The following NUP58 variants were observed in gnomAD, a reference collection of about 807,000 sequenced individuals.
NUP58 encodes nucleoporin p58/p45.
Under a neutral mutation model 70.1 loss-of-function variants are expected in NUP58, and 17 were observed. The observed-to-expected ratio is 0.24, with a 90% CI of 0.17 to 0.36. The LOEUF (loss-of-function observed/expected upper bound fraction) is 0.36. Among genes scored for constraint, NUP58 ranks in the 10% least tolerant of loss-of-function variants. The pLI, the probability that NUP58 is intolerant of heterozygous loss-of-function variation, is 1.00. For missense variants in NUP58, 644 were observed against 701.5 expected, an observed-to-expected ratio of 0.92 and a Z score of 0.93; for synonymous variants, 275 against 257.6, an observed-to-expected ratio of 1.07 and a Z score of -0.65.
Position 25,338,632 on chromosome 13 carries a change from C to G in NUP58, c.1535-4C>G. 1 of 1,610,240 alleles carries G rather than the reference C, an allele frequency of 6.2e-7. No individual in the cohort carries two copies. The highest frequency in any genetic ancestry group is 8.5e-7 in the Non-Finnish European group (1 of 1,176,714). ...TGTATATTTTTCTATTACCCTTCCACTAGGATTTGGAACTAGCTCTGGTTT... is the reference window on the plus strand; with the variant it reads ...TGTATATTTTTCTATTACCCTTCCAGTAGGATTTGGAACTAGCTCTGGTTT... On this transcript the variant is annotated splice_region_variant and splice_polypyrimidine_tract_variant and intron_variant, in intron 14 of 15. Coordinates refer to ENST00000381736, the MANE Select transcript of NUP58 (RefSeq NM_014089.4).
rs34548230 is a variant in NUP58, at chr13:25,310,519, C to CTTTTT, written c.286+1256_286+1260dup. Among the ~76,000 whole-genome samples, 56 of 53,564 alleles carry CTTTTT rather than the reference C, an allele frequency of 1.0e-3. 2 individuals carry two copies. Among genetic ancestry groups the CTTTTT allele is most frequent in the African/African-American group, 2.4e-3 (35 of 14,312 alleles). The allele number at this position is 53,564 out of a possible 152,430, so 35.1% of individuals were successfully genotyped here. On this transcript the variant is annotated intron_variant, in intron 3 of 15. Transcript: ENST00000381736. ...ACAGGCGTGAGCCACTGTGCCTGGC[C>CTTTTT]TTTTTTTTTTTTTTTTTTTTTTTGG... is the stretch of plus-strand genomic sequence containing the variant.
chr13:25,326,935 C>A lies in NUP58; in HGVS notation c.1051C>A (p.Gln351Lys). Reference protein sequence around the residue: ...APADYFRILVQQFEVQLQQYR... With the variant: ...APADYFRILVKQFEVQLQQYR... ...TTAAAGCTACTTCAGAATCTTGGTT[C>A]AGCAATTTGAGGTACAGCTTCAGCA... Residue 351 changes from glutamine to lysine, a missense_variant, in exon 11 of 16, where the codon CAG becomes AAG. Gln to Lys is a moderately conservative substitution (Grantham distance 53, BLOSUM62 1). This residue lies in a region of NUP58 where 430 missense variants were observed against 409.2 expected (regional missense o/e 1.05). Transcript: ENST00000381736. 2 of 1,582,846 alleles carry A rather than the reference C, an allele frequency of 1.3e-6. No individual in the cohort carries two copies. Among genetic ancestry groups the A allele is most frequent in the Non-Finnish European group, 1.7e-6 (2 of 1,165,170 alleles).
intron 6 of NUP58, among the ~76,000 whole-genome samples, chr13:25,317,133 A>G (rs956472078): frequency 6.6e-6 from 1 of 152,156 alleles, no homozygotes; most frequent in Non-Finnish European, 1.5e-5. Context: ...GAGAGTAGCA[A>G]TAAACAGCAT....
Position 25,301,687 on chromosome 13 carries a change from A to G in NUP58, c.-87A>G, listed in dbSNP as rs946753355. The G allele has an allele frequency of 1.5e-5, 10 of 665,564 alleles. No individual in the cohort carries two copies. The African/African-American group carries it at 1.5e-4, about 10-fold the overall frequency. The allele number at this position is 665,564 out of a possible 1,614,324, so 41.2% of individuals were successfully genotyped here. On this transcript the variant is annotated 5_prime_UTR_variant, in exon 1 of 16. The change abolishes an upstream ATG in the 5' untranslated region. Transcript: ENST00000381736. ...GCCAGGTCCGTGCCGGGCGAGAGAG[A>G]TGCTGCCCGGCCCGCCTCGGCTTTG...
rs572799818 is a variant in NUP58, at chr13:25,311,442, C to A, written c.287-1441C>A. ...ACAGGCTGGAGTGCAATGGCGTGAT[C>A]TCAGCTCACCACAACCTCTGCCTCC... On this transcript the variant is annotated intron_variant, in intron 3 of 15. Transcript: ENST00000381736. Among the ~76,000 whole-genome samples the A allele has an allele frequency of 2.0e-5, 3 of 152,188 alleles. No homozygotes were observed. In the East Asian group the frequency reaches 5.8e-4, roughly 29 times the overall value.
Position 25,307,874 on chromosome 13 carries a change from C to T in NUP58, c.176C>T (p.Pro59Leu), listed in dbSNP as rs1416439614. Residue 59 changes from proline (P) to leucine (L), a missense_variant, in exon 2 of 16, where the codon CCT becomes CTT. Pro to Leu is a moderately conservative substitution (Grantham distance 98). This residue lies in a region of NUP58 where 430 missense variants were observed against 409.2 expected (regional missense o/e 1.05). Coordinates refer to ENST00000381736, the MANE Select transcript of NUP58 (RefSeq NM_014089.4). Reference protein sequence around the residue: ...STSTPATTSAPSSGFGTGLFG... With the variant: ...STSTPATTSALSSGFGTGLFG... ...TCAACTCCAGCAACTACATCTGCTC[C>T]TTCAAGTGGTTTTGGAACCGGGCTC... 6.2e-7 allele frequency: 1 copy of T among 1,614,176 alleles called. No individual in the cohort carries two copies. Among genetic ancestry groups the T allele is most frequent in the African/African-American group, 1.3e-5 (1 of 75,046 alleles).
At chr13:25,335,963 TCTG>T (rs773244797) in intron 13 of NUP58, 26 of 1,104,336 alleles carry the variant, frequency 2.4e-5, no homozygotes, top group Non-Finnish European at 2.9e-5. Flanking sequence ...ATTTTTGTAT[TCTG>T]CTTAGTTTTA....
At chr13:25,316,861 C>G (rs1421719109) in intron 6 of NUP58, among the ~76,000 whole-genome samples, 1 of 152,042 alleles carries the variant, frequency 6.6e-6, no homozygotes, top group East Asian at 1.9e-4. Context: ...TAGAGTTGAG[C>G]AAGGAGAATA....
chr13:25,319,181 G>T, intron 6 of NUP58, 145 bp from the exon 7 acceptor site: 1 of 762,630 alleles, frequency 1.3e-6, no homozygotes, highest in Non-Finnish European at 2.3e-6. Context: ...GATGAGTCAT[G>T]ACATCACATG....
rs182975950 is a variant in NUP58 at position 25,329,230 on chromosome 13, C to T, written c.1233+1718C>T. 1.6e-4 allele frequency among the ~76,000 whole-genome samples: 25 copies of T among 152,260 alleles called. 1 individual carries two copies. Among genetic ancestry groups the T allele is most frequent in the Admixed American group, 1.4e-3 (21 of 15,288 alleles). ...TCAAATATACACAAAAGTAGGCTAT[C>T]ATTATACTGAATGCCCAGGTATGAC... is the stretch of plus-strand genomic sequence containing the variant. On this transcript the variant is annotated intron_variant, in intron 12 of 15. Coordinates refer to ENST00000381736, the MANE Select transcript of NUP58 (RefSeq NM_014089.4).
chr13:25,311,702 C>G (rs1012199966), intron 3 of NUP58, among the ~76,000 whole-genome samples: 9 of 144,306 alleles, frequency 6.2e-5, no homozygotes, highest in African/African-American at 2.3e-4. Flanking sequence ...TTTAAGGTAA[C>G]CAAGATAATT....
downstream of NUP58, among the ~76,000 whole-genome samples, chr13:25,347,116 T>G (rs2032059814): frequency 6.6e-6 from 1 of 152,186 alleles, no homozygotes; most frequent in Admixed American, 6.5e-5. Flanking sequence ...AAATAATTTT[T>G]TGTGTGAAAT....
chr13:25,334,860 C>T, intron 13 of NUP58: 1 of 984,424 alleles, frequency 1.0e-6, no homozygotes, highest in Non-Finnish European at 1.2e-6. Flanking sequence ...ATGAAGATTT[C>T]ACTTTGGCCA....
intron 13 of NUP58, chr13:25,335,954 T>G (rs946742617): frequency 9.1e-7 from 1 of 1,101,466 alleles, no homozygotes; most frequent in Non-Finnish European, 1.1e-6. Context: ...GATTTTTAGA[T>G]TTTTGTATTC....
intron 3 of NUP58, among the ~76,000 whole-genome samples, chr13:25,311,174 T>C (rs1593178548): frequency 6.6e-6 from 1 of 152,162 alleles, no homozygotes; most frequent in East Asian, 1.9e-4. Context: ...ATATGAAGTA[T>C]TTTGGTTTTG....
At chr13:25,315,298 A>G (rs2030873749) in intron 5 of NUP58, 59 bp from the exon 6 acceptor site, 19 of 1,208,470 alleles carry the variant, frequency 1.6e-5, no homozygotes, top group Non-Finnish European at 2.2e-5. Flanking sequence ...TCCTTTGATC[A>G]GTAAGGGGAA....
intron 9 of NUP58, among the ~76,000 whole-genome samples, chr13:25,322,954 A>C (rs1311853111): frequency 6.6e-6 from 1 of 152,234 alleles, no homozygotes; most frequent in Non-Finnish European, 1.5e-5. Flanking sequence ...AAACATAATT[A>C]GAGCAAAATA....
intron 3 of NUP58, among the ~76,000 whole-genome samples, chr13:25,311,725 T>G (rs2030678195): frequency 6.7e-6 from 1 of 150,074 alleles, no homozygotes; most frequent in African/African-American, 2.5e-5. Flanking sequence ...AAGAATAGAT[T>G]AGAGGTTAGA....
At chr13:25,302,803 C>T (rs895098116) in intron 1 of NUP58, 3 of 367,138 alleles carry the variant, frequency 8.2e-6, no homozygotes, top group Non-Finnish European at 1.1e-5. Context: ...GGAGGAACCA[C>T]GGACTACACA....
Sources: allele counts gnomAD v4.1 joint callset (sites outside exome capture counted in the v4.1 genomes callset), GRCh38; gene constraint gnomAD v4.1.1; regional missense constraint gnomAD v4.1.1; transcripts MANE v1.5; gene names NCBI Gene and HGNC (gene_info 2026-07-23, HGNC 2026-07-21).